The following PLRG1 variants were observed in gnomAD, a reference collection of about 807,000 sequenced individuals.
PLRG1 encodes pleiotropic regulator 1 (PRL1 homolog, Arabidopsis).
Under a neutral mutation model 74.9 loss-of-function variants are expected in PLRG1, and 28 were observed. The observed-to-expected ratio is 0.37, with a 90% CI of 0.28 to 0.51. The LOEUF (loss-of-function observed/expected upper bound fraction) is 0.51. Ranked by LOEUF, PLRG1 falls within the 20% of genes least tolerant of loss-of-function variation. PLRG1 has a pLI of 0.91. For missense variants in PLRG1, 445 were observed against 631.9 expected (o/e 0.70, Z 3.17); for synonymous variants, 197 against 212.4 (o/e 0.93, Z 0.63).
At chr4:154,539,418 T>C (rs1729513478) in intron 11 of PLRG1, among the ~76,000 whole-genome samples, 1 of 152,132 alleles carries the variant, frequency 6.6e-6, no homozygotes, top group Admixed American at 6.6e-5. Flanking sequence ...CAACAATTGA[T>C]TCACTGTCAA....
At chr4:154,540,215 G>A (rs978404380) in intron 10 of PLRG1, 162 bp from the exon 11 acceptor site, 26 of 591,358 alleles carry the variant, frequency 4.4e-5, no homozygotes, top group African/African-American at 3.4e-4. Flanking sequence ...ACTGGAGGAC[G>A]AATATAAATA....
At position 154,550,393 on chromosome 4, in the gene PLRG1, C is replaced by T. The variant is rs1182133694; in HGVS notation, c.-85G>A. On this transcript the variant is annotated 5_prime_UTR_variant, in exon 1 of 15. Coordinates refer to ENST00000499023, the MANE Select transcript of PLRG1 (RefSeq NM_002669.4). The stretch of plus-strand genomic sequence containing the variant: ...CGCCGCCACAGCTGTGCAGCACCTT[C>T]CGGAATTGGGCGCCCAGGCGGCGGA... 5 of 1,360,558 alleles carry T rather than the reference C, an allele frequency of 3.7e-6. No homozygotes were observed. Among genetic ancestry groups the T allele is most frequent in the Non-Finnish European group, 5.3e-6 (5 of 950,550 alleles). 84.3% of individuals were successfully genotyped at this position (1,360,558 alleles called of 1,614,324 possible). A position where few individuals can be genotyped will look rare whatever the true frequency, so the allele number is the denominator to read the frequency against.
rs201645405 is a variant in PLRG1, at chr4:154,535,896, A to G, written c.*789T>C. The G allele has an allele frequency of 1.4e-5, 2 of 145,490 alleles. No individual in the cohort carries two copies. The highest frequency in any genetic ancestry group is 4.1e-4 in the East Asian group (2 of 4,894). 9.0% of individuals were successfully genotyped at this position (145,490 alleles called of 1,614,324 possible). A position where few individuals can be genotyped will look rare whatever the true frequency, so the allele number is the denominator to read the frequency against. ...CCCAGAACAAGCCAGCTTTAGTCCC[A>G]TTATTCGACAGTAGCAGAACATTCT... On this transcript the variant is annotated 3_prime_UTR_variant, in exon 15 of 15. Coordinates refer to ENST00000499023, the MANE Select transcript of PLRG1 (RefSeq NM_002669.4).
intron 4 of PLRG1, chr4:154,546,642 T>A (rs1174651329): frequency 3.2e-6 from 1 of 312,756 alleles, no homozygotes; most frequent in African/African-American, 2.2e-5. Context: ...CCACTCCATC[T>A]GTGGACCAAT....
intron 3 of PLRG1, chr4:154,547,439 T>C: frequency 2.0e-6 from 1 of 511,030 alleles, no homozygotes; most frequent in South Asian, 2.5e-5. Context: ...GTTAAGAATA[T>C]TCTCCAATTT....
intron 1 of PLRG1, chr4:154,549,822 A>G (rs1729726224): frequency 2.2e-6 from 1 of 455,894 alleles, no homozygotes; most frequent in Admixed American, 2.4e-5. Context: ...CATGTGGGGT[A>G]AGATGGACAA....
In PLRG1 at chr4:154,540,950, A is replaced by G; in HGVS notation, c.688-16T>C. 6.4e-7 allele frequency: 1 copy of G among 1,566,634 alleles called. No homozygotes were observed. The highest frequency in any genetic ancestry group is 1.2e-5 in the South Asian group (1 of 80,326). ...AGTCCCAGATCTGCAATCAAAGAATATTTATTTTTTTCTTTCACTGGTTAC... is the reference window on the plus strand; with the variant it reads ...AGTCCCAGATCTGCAATCAAAGAATGTTTATTTTTTTCTTTCACTGGTTAC... On this transcript the variant is annotated splice_polypyrimidine_tract_variant and intron_variant, in intron 8 of 14. Transcript: ENST00000499023.
At chr4:154,548,709 C>A in intron 2 of PLRG1, 120 bp downstream of exon 2, 1 of 605,224 alleles carries the variant, frequency 1.7e-6, no homozygotes. Flanking sequence ...AAACACCACT[C>A]ATTATTGAAT....
intron 3 of PLRG1, 128 bp downstream of exon 3, chr4:154,547,583 C>A: frequency 1.3e-6 from 1 of 759,690 alleles, no homozygotes; most frequent in Non-Finnish European, 2.2e-6. Context: ...CATTATAATA[C>A]AGGTACGGCC....
intron 14 of PLRG1, 60 bp from the exon 15 acceptor site, chr4:154,536,804 C>T (rs1252469454): frequency 8.1e-6 from 7 of 863,902 alleles, no homozygotes; most frequent in East Asian, 2.5e-5. Context: ...GTCTAATAGG[C>T]TTCCTTTCTA....
intron 8 of PLRG1, chr4:154,541,932 T>C (rs1252943692): frequency 1.7e-5 from 7 of 417,226 alleles, no homozygotes; most frequent in Admixed American, 1.4e-4. Flanking sequence ...TTGTAACCAG[T>C]TGGAGAGAAC....
chr4:154,536,651 G>T lies in PLRG1; in HGVS notation c.*34C>A. 4 of 1,055,618 alleles carry T rather than the reference G, an allele frequency of 3.8e-6. No homozygotes were observed. Among genetic ancestry groups the T allele is most frequent in the Non-Finnish European group, 5.6e-6 (4 of 720,116 alleles). The allele number at this position is 1,055,618 out of a possible 1,614,324, so 65.4% of individuals were successfully genotyped here. On this transcript the variant is annotated 3_prime_UTR_variant, in exon 15 of 15. Transcript: ENST00000499023. Reference sequence around the variant, plus strand: ...AAGCTTTTTTTTTTTTAATTAAAAAGAAAAAAAAAGAGAGAGAAAAAATTC... The same window carrying T: ...AAGCTTTTTTTTTTTTAATTAAAAATAAAAAAAAAGAGAGAGAAAAAATTC...
intron 13 of PLRG1, 95 bp downstream of exon 13, chr4:154,537,874 T>C (rs1027300243): frequency 3.7e-5 from 26 of 710,256 alleles, no homozygotes; most frequent in Non-Finnish European, 5.7e-5. Context: ...CTATAATACT[T>C]AAGTGTGACA....
chr4:154,539,952 T>C lies in PLRG1; in HGVS notation c.1041A>G (p.Thr347=), dbSNP rs771712714. 1.4e-6 allele frequency: 2 copies of C among 1,400,120 alleles called. No individual in the cohort carries two copies. The highest frequency in any genetic ancestry group is 1.2e-5 in the South Asian group (1 of 86,890). 86.7% of individuals were successfully genotyped at this position (1,400,120 alleles called of 1,614,324 possible). The part of the protein sequence containing the change: ...RCQAAEPQII[T]GSHDTTIRLW... ...AAACTTGAAAAGTATCGATCATACC[T>C]GTAATAATTTGTGGTTCTGCAGCCT... Residue 347 remains threonine, a splice_region_variant and synonymous_variant, in exon 11 of 15, where the codon ACA becomes ACG. Transcript: ENST00000499023.
Position 154,546,135 on chromosome 4 carries a change from G to C in PLRG1, c.392C>G (p.Pro131Arg), listed in dbSNP as rs772545766. The change falls in exon 5 of 15, where the codon CCT (proline) becomes CGT (arginine). Residue 131 changes from proline (P) to arginine (R), a missense_variant. Pro to Arg is a moderately radical substitution (Grantham distance 103, BLOSUM62 -2). This residue lies in a region of PLRG1 where 206 missense variants were observed against 210.8 expected (regional missense o/e 0.98). Coordinates refer to ENST00000499023, the MANE Select transcript of PLRG1 (RefSeq NM_002669.4). ...SAAQSLAVAL[P>R]LQTKADANRT... ...TAATATTTCATACTTGGTCTGCAAA[G>C]GTAATGCCACCGCTAAGGACTGTGC... 2.5e-6 allele frequency: 4 copies of C among 1,582,378 alleles called. No individual in the cohort carries two copies. The highest frequency in any genetic ancestry group is 3.5e-6 in the Non-Finnish European group (4 of 1,152,436).
Position 154,547,076 on chromosome 4 carries a change from C to A in PLRG1, c.260-12G>T, listed in dbSNP as rs779529331. 3 of 1,598,354 alleles carry A rather than the reference C, an allele frequency of 1.9e-6. No individual in the cohort carries two copies. Among genetic ancestry groups the A allele is most frequent in the Non-Finnish European group, 2.6e-6 (3 of 1,166,318 alleles). On this transcript the variant is annotated splice_polypyrimidine_tract_variant and intron_variant, in intron 3 of 14. Coordinates refer to ENST00000499023, the MANE Select transcript of PLRG1 (RefSeq NM_002669.4). The stretch of plus-strand genomic sequence containing the variant: ...TTCAACTTCTTGTCCTAAAAAAACA[C>A]AAAAAAAATCAACAGTAGTGAATTT...
intron 12 of PLRG1, 173 bp downstream of exon 12, chr4:154,538,932 T>C (rs1480168189): frequency 7.4e-6 from 4 of 538,904 alleles, no homozygotes; most frequent in Non-Finnish European, 1.3e-5. Context: ...TTATAGGGCA[T>C]GAAGCAAAAT....
intron 14 of PLRG1, 33 bp downstream of exon 14, chr4:154,537,252 GT>G: frequency 6.9e-7 from 1 of 1,447,938 alleles, no homozygotes; most frequent in Non-Finnish European, 9.6e-7. Context: ...TGGTATAGCT[GT>G]TTTACTTAAC....
At chr4:154,542,598 T>A (rs778390583) in intron 7 of PLRG1, among the ~76,000 whole-genome samples, 15 of 152,212 alleles carry the variant, frequency 9.9e-5, no homozygotes, top group Non-Finnish European at 1.8e-4. Context: ...TCCATTTATA[T>A]GACATAGTCA....
Sources: allele counts gnomAD v4.1 joint callset (sites outside exome capture counted in the v4.1 genomes callset), GRCh38; gene constraint gnomAD v4.1.1; regional missense constraint gnomAD v4.1.1; transcripts MANE v1.5; gene names NCBI Gene and HGNC (gene_info 2026-07-23, HGNC 2026-07-21).